RYR1: variants seen among roughly 807,000 people sequenced by gnomAD.
The protein encoded by RYR1 is ryanodine receptor 1, also known as central core disease of muscle.
RYR1 carries 342 observed loss-of-function variants against 583.5 expected under a neutral mutation model. The ratio of observed to expected loss-of-function variants is 0.59; its 90% CI spans 0.54 to 0.64. The LOEUF (loss-of-function observed/expected upper bound fraction) is 0.64. Ranked by LOEUF, RYR1 falls within the 30% of genes least tolerant of loss-of-function variation. The pLI is 0.00. For synonymous variants in RYR1, 2,791 were observed against 2,822.5 expected (o/e 0.99, Z 0.35); for missense variants, 6,032 against 6,917.2 (o/e 0.87, Z 4.54).
Position 38,530,430 on chromosome 19 carries a change from A to AT in RYR1, c.11141+1389dup, listed in dbSNP as rs142263877. ...CAGGCACGTGCCTCCATGCCTGGCT[A>AT]TTTTTTTTTTTTTTTTCTGGTAGAG... On this transcript the variant is annotated intron_variant, in intron 76 of 105. Coordinates refer to ENST00000359596, the MANE Select transcript of RYR1 (RefSeq NM_000540.3). Among the ~76,000 whole-genome samples, 879 of 128,634 alleles carry AT rather than the reference A, an allele frequency of 6.8e-3. 2 individuals are homozygous for AT. The highest frequency in any genetic ancestry group is 0.012 in the Admixed American group (153 of 12,730). The allele number at this position is 128,634 out of a possible 152,430, so 84.4% of individuals were successfully genotyped here. A position where few individuals can be genotyped will look rare whatever the true frequency, so the allele number is the denominator to read the frequency against.
rs1427146216 is a variant in RYR1 at position 38,512,569 on chromosome 19, G to A, written c.9472+86G>A. The stretch of plus-strand genomic sequence containing the variant: ...CGGGTGCCTGTGAGAGTCCCTGGGT[G>A]TTTGAATGTGTGGATTTCTTGCTGT... On this transcript the variant is annotated intron_variant, in intron 63 of 105. Coordinates refer to ENST00000359596, the MANE Select transcript of RYR1 (RefSeq NM_000540.3). This position sits in a 1 kb window ranked among gnomAD's most constrained non-coding sequence, Gnocchi z 5.1. 4.8e-6 allele frequency: 6 copies of A among 1,260,930 alleles called. No individual in the cohort carries two copies. Among genetic ancestry groups the A allele is most frequent in the Admixed American group, 1.7e-5 (1 of 59,100 alleles). The allele number at this position is 1,260,930 out of a possible 1,614,324, so 78.1% of individuals were successfully genotyped here.
At position 38,548,439 on chromosome 19, in the gene RYR1, G is replaced by T. The variant is rs746429944; in HGVS notation, c.12282+19G>T. The T allele has an allele frequency of 6.2e-7, 1 of 1,611,108 alleles. No individual in the cohort carries two copies. The highest frequency in any genetic ancestry group is 2.2e-5 in the East Asian group (1 of 44,818). On this transcript the variant is annotated intron_variant, in intron 89 of 105. Coordinates refer to ENST00000359596, the MANE Select transcript of RYR1 (RefSeq NM_000540.3). ...CCAGAAGGTGGGTGTGGGACATCGT[G>T]TGGGCCCAGGACTTGGGTGGGGTTG... is the stretch of plus-strand genomic sequence containing the variant.
intron 59 of RYR1, 31 bp downstream of exon 59, chr19:38,510,596 C>T: frequency 6.2e-7 from 1 of 1,614,122 alleles, no homozygotes; most frequent in Non-Finnish European, 8.5e-7. Context: ...CTGGAGGGCG[C>T]TGGGGACTCA....
intron 31 of RYR1, among the ~76,000 whole-genome samples, chr19:38,480,831 G>A (rs1187577270): frequency 1.3e-5 from 2 of 151,340 alleles, no homozygotes; most frequent in African/African-American, 4.9e-5. Flanking sequence ...TGCAACCTTC[G>A]CCTCCCGGGC....
intron 16 of RYR1, among the ~76,000 whole-genome samples, chr19:38,456,712 A>G (rs553158236): frequency 5.0e-4 from 76 of 151,418 alleles, no homozygotes; most frequent in Non-Finnish European, 9.4e-4. Flanking sequence ...CACTTCACAC[A>G]TTTATTCAGT....
At chr19:38,517,251 T>G in intron 65 of RYR1, 108 bp from the exon 66 acceptor site, 1 of 1,134,152 alleles carries the variant, frequency 8.8e-7, no homozygotes, top group Non-Finnish European at 1.3e-6. Flanking sequence ...GGAGACTGTT[T>G]AAGGGGGGTG....
chr19:38,549,222 C>A (rs996075403), intron 89 of RYR1, among the ~76,000 whole-genome samples: 2 of 152,128 alleles, frequency 1.3e-5, no homozygotes, highest in African/African-American at 4.8e-5. Context: ...ACCACCTCTC[C>A]CATCCTAACT....
chr19:38,580,276 C>T (rs1257045745), intron 100 of RYR1, 94 bp from the exon 101 acceptor site: 3 of 1,592,204 alleles, frequency 1.9e-6, no homozygotes, highest in African/African-American at 2.7e-5. Context: ...AAGGTAGAGC[C>T]ACAGGGACTG....
intron 12 of RYR1, 118 bp downstream of exon 12, chr19:38,452,003 C>T: frequency 7.0e-7 from 1 of 1,436,972 alleles, no homozygotes; most frequent in African/African-American, 1.4e-5. Context: ...CTAACATATA[C>T]ATGGGCCAAG....
At chr19:38,577,088 G>A (rs1228389682) in intron 97 of RYR1, among the ~76,000 whole-genome samples, 1 of 152,002 alleles carries the variant, frequency 6.6e-6, no homozygotes, top group Non-Finnish European at 1.5e-5. Context: ...GTTTCGCCAT[G>A]TGGGCCAGGC....
chr19:38,535,274 G>C, intron 80 of RYR1, 42 bp from the exon 81 acceptor site: 1 of 1,613,164 alleles, frequency 6.2e-7, no homozygotes, highest in Non-Finnish European at 8.5e-7. Context: ...AGAGGTTCCT[G>C]TGTGACTCCC....
intron 16 of RYR1, among the ~76,000 whole-genome samples, 185 bp from the exon 17 acceptor site, chr19:38,457,312 C>T (rs573818498): frequency 2.2e-4 from 34 of 152,158 alleles, no homozygotes; most frequent in South Asian, 8.3e-4. Context: ...CCAGATCTTC[C>T]TCTTTGACCC....
Position 38,565,729 on chromosome 19 carries a change from G to T in RYR1, c.13395G>T (p.Pro4465=). 1 of 1,431,818 alleles carries T rather than the reference G, an allele frequency of 7.0e-7. No homozygotes were observed. Among genetic ancestry groups the T allele is most frequent in the Non-Finnish European group, 9.1e-7 (1 of 1,101,020 alleles). The allele number at this position is 1,431,818 out of a possible 1,614,324, so 88.7% of individuals were successfully genotyped here. The change falls in exon 91 of 106, where the codon CCG becomes CCT. Residue 4465 remains proline (P), a synonymous_variant. Coordinates refer to ENST00000359596, the MANE Select transcript of RYR1 (RefSeq NM_000540.3). The surrounding 1 kb of genome is among the most constrained non-coding windows in gnomAD (Gnocchi z 4.7). The stretch of plus-strand genomic sequence containing the variant: ...TGGGGGACACGACGCCTGCGGAACC[G>T]CCCACACCCGAGGGCTCTCCCATCC... ...GDMGDTTPAE[P]PTPEGSPILK... is the part of the protein sequence containing the mutation.
intron 89 of RYR1, 142 bp downstream of exon 89, chr19:38,548,562 C>T (rs553214689): frequency 1.3e-6 from 1 of 776,804 alleles, no homozygotes; most frequent in South Asian, 1.7e-5. Flanking sequence ...TAAAACAGTC[C>T]TTGGGTTATA....
At chr19:38,523,796 G>C in intron 69 of RYR1, 119 bp from the exon 70 acceptor site, 1 of 1,349,482 alleles carries the variant, frequency 7.4e-7, no homozygotes, top group South Asian at 1.2e-5. Context: ...TGCCCAGCTA[G>C]AGAATACATG....
chr19:38,485,503 A>G lies in RYR1; in HGVS notation c.4935-87A>G, dbSNP rs556344498. On this transcript the variant is annotated intron_variant, in intron 33 of 105. Coordinates refer to ENST00000359596, the MANE Select transcript of RYR1 (RefSeq NM_000540.3). The stretch of plus-strand genomic sequence containing the variant: ...CGAATGAATAAATGGGTGGATAGTG[A>G]TGAAGGAAATGGAGGAAGAGATGGT... 100 of 1,543,180 alleles carry G rather than the reference A, an allele frequency of 6.5e-5. 1 individual carries two copies. In the South Asian group the frequency reaches 6.8e-4, roughly 11 times the overall value.
chr19:38,501,987 GA>G (rs58447433), intron 47 of RYR1, among the ~76,000 whole-genome samples: 5 of 146,306 alleles, frequency 3.4e-5, no homozygotes, highest in African/African-American at 1.3e-4. Flanking sequence ...CCTTATCTCA[GA>G]AAAAAAAAAG....
In RYR1 at chr19:38,512,203, C is replaced by T; in HGVS notation, c.9234-42C>T. The stretch of plus-strand genomic sequence containing the variant: ...CCACCCCAACCCCTGGTCTCCTAGA[C>T]TCTCCGATTCCAGAGCTGATGTTCC... On this transcript the variant is annotated intron_variant, in intron 62 of 105. Coordinates refer to ENST00000359596, the MANE Select transcript of RYR1 (RefSeq NM_000540.3). This position sits in a 1 kb window ranked among gnomAD's most constrained non-coding sequence, Gnocchi z 5.1. 1 of 1,614,016 alleles carries T rather than the reference C, an allele frequency of 6.2e-7. No homozygotes were observed. The highest frequency in any genetic ancestry group is 8.5e-7 in the Non-Finnish European group (1 of 1,179,848).
At position 38,517,310 on chromosome 19, in the gene RYR1, G is replaced by C. The variant is rs371138890; in HGVS notation, c.9686-49G>C. ...TTGCGGGGGAGGCCAGGGCACTGAG[G>C]TCTGGGGGTGATGGCTTGACATTCC... is the stretch of plus-strand genomic sequence containing the variant. On this transcript the variant is annotated intron_variant, in intron 65 of 105. Transcript: ENST00000359596. 1.8e-4 allele frequency: 287 copies of C among 1,592,066 alleles called. No individual in the cohort carries two copies. In the African/African-American group the frequency reaches 3.4e-3, roughly 19 times the overall value.
Sources: allele counts gnomAD v4.1 joint callset (sites outside exome capture counted in the v4.1 genomes callset), GRCh38; gene constraint gnomAD v4.1.1; non-coding constraint Gnocchi (gnomAD v3.1); transcripts MANE v1.5; gene names NCBI Gene and HGNC (gene_info 2026-07-23, HGNC 2026-07-21).